Variants in SAMSN1 observed in about 807,000 individuals in gnomAD.
SAMSN1 encodes SAM domain, SH3 domain and nuclear localization signals 1.
SAMSN1 carries 31 observed loss-of-function variants against 42.0 expected under a neutral mutation model. That is an observed-to-expected ratio of 0.74 (90% CI 0.55 to 1.00). SAMSN1 has a LOEUF of 1.00. SAMSN1 is among the 50% of genes least tolerant of loss of function. SAMSN1 has a pLI of 0.00. For missense variants in SAMSN1, 464 were observed against 439.4 expected, an observed-to-expected ratio of 1.06 and a Z score of -0.50; for synonymous variants, 178 against 151.9, an observed-to-expected ratio of 1.17 and a Z score of -1.26.
At chr21:14,633,550 C>T in intron 2 of SAMSN1, among the ~76,000 whole-genome samples, 1 of 152,212 alleles carries the variant, frequency 6.6e-6, no homozygotes, top group Non-Finnish European at 1.5e-5. Context: ...AATGCTCTTA[C>T]TATTGTCTGA....
intron 2 of SAMSN1, among the ~76,000 whole-genome samples, chr21:14,622,832 G>A (rs1983050876): frequency 6.6e-6 from 1 of 152,196 alleles, no homozygotes; most frequent in Non-Finnish European, 1.5e-5. Context: ...ATTCACCAAA[G>A]TTGAAATGAA....
At chr21:14,598,408 A>C (rs1294347130) in intron 6 of SAMSN1, 4 of 152,222 alleles carry the variant, frequency 2.6e-5, no homozygotes, top group Admixed American at 2.6e-4. Flanking sequence ...ACAAACAAGA[A>C]CAAGAATGCA....
At chr21:14,579,665 G>A (rs3887416) in intron 2 of SAMSN1, among the ~76,000 whole-genome samples, 1 of 92,356 alleles carries the variant, frequency 1.1e-5, no homozygotes, top group African/African-American at 3.8e-5. Flanking sequence ...TTTTTTTTTT[G>A]GAGGCAGGGT....
intron 7 of SAMSN1, among the ~76,000 whole-genome samples, chr21:14,494,683 G>A (rs544465500): frequency 6.7e-6 from 1 of 149,800 alleles, no homozygotes; most frequent in African/African-American, 2.5e-5. Flanking sequence ...TTCTGCACGT[G>A]TATCCCAGAA....
upstream of SAMSN1, among the ~76,000 whole-genome samples, chr21:14,659,267 A>G (rs1229471821): frequency 2.6e-5 from 4 of 152,140 alleles, no homozygotes; most frequent in East Asian, 7.7e-4. Flanking sequence ...CACATTTTTA[A>G]ATGGCAAGAT....
chr21:14,653,467 T>C (rs1041031919), intron 1 of SAMSN1, among the ~76,000 whole-genome samples: 4 of 151,890 alleles, frequency 2.6e-5, no homozygotes, highest in African/African-American at 7.2e-5. Context: ...CTTGTGTACA[T>C]TGAGATTAGA....
upstream of SAMSN1, among the ~76,000 whole-genome samples, chr21:14,548,349 A>G (rs1600924116): frequency 6.6e-6 from 1 of 152,162 alleles, no homozygotes; most frequent in East Asian, 1.9e-4. Context: ...AAAAGGCATG[A>G]AGTTTCAGTT....
chr21:14,655,603 T>C (rs1298311097), intron 1 of SAMSN1, among the ~76,000 whole-genome samples: 1 of 151,686 alleles, frequency 6.6e-6, no homozygotes, highest in Non-Finnish European at 1.5e-5. Context: ...AATTTTAAAG[T>C]TTACCCACGT....
chr21:14,587,918 C>T (rs1306425840), upstream of SAMSN1, among the ~76,000 whole-genome samples: 3 of 114,234 alleles, frequency 2.6e-5, no homozygotes, highest in Non-Finnish European at 3.4e-5. Flanking sequence ...CGCAACAGTC[C>T]CCAGAGTGTG....
chr21:14,529,689 A>C (rs183723796), intron 1 of SAMSN1, among the ~76,000 whole-genome samples: 93 of 152,336 alleles, frequency 6.1e-4, no homozygotes, highest in African/African-American at 2.1e-3. Flanking sequence ...TGTTCAAATG[A>C]AAGATACACA....
In SAMSN1 at chr21:14,589,853, T is replaced by C. The variant is rs557957516; in HGVS notation, c.465+4160A>G. Among the ~76,000 whole-genome samples, 3 of 152,328 alleles carry C rather than the reference T, an allele frequency of 2.0e-5. No homozygotes were observed. The East Asian group carries it at 5.8e-4, about 29-fold the overall frequency. On this transcript the variant is annotated intron_variant, in intron 7 of 15. Transcript: ENST00000647101. ...TTTGGAAAAATTTTCCTCTCTAGTGTCATATTTAACAAATATTCAAATAAC... is the reference window on the plus strand; with the variant it reads ...TTTGGAAAAATTTTCCTCTCTAGTGCCATATTTAACAAATATTCAAATAAC...
chr21:14,617,232 C>A (rs912624331), intron 2 of SAMSN1, among the ~76,000 whole-genome samples: 1 of 152,104 alleles, frequency 6.6e-6, no homozygotes, highest in African/African-American at 2.4e-5. Context: ...TATCAGCAGG[C>A]CTTTGAGGAG....
chr21:14,485,902 G>T lies in SAMSN1; in HGVS notation c.*10C>A, dbSNP rs763253112. On this transcript the variant is annotated 3_prime_UTR_variant, in exon 8 of 8. Coordinates refer to ENST00000400566, the MANE Select transcript of SAMSN1 (RefSeq NM_022136.5). ...AATGCATCTGTAGATATATAGTTGG[G>T]AATGCGTGTTCAGTCACTTGGCTCT... 7 of 1,607,710 alleles carry T rather than the reference G, an allele frequency of 4.4e-6. No homozygotes were observed. The highest frequency in any genetic ancestry group is 6.0e-6 in the Non-Finnish European group (7 of 1,174,812).
chr21:14,534,666 C>A (rs1406241711), intron 1 of SAMSN1, among the ~76,000 whole-genome samples: 1 of 151,952 alleles, frequency 6.6e-6, no homozygotes, highest in Non-Finnish European at 1.5e-5. Context: ...CAGGTGCCCG[C>A]CACCAGAAGG....
At chr21:14,533,895 A>G (rs1240593534) in intron 1 of SAMSN1, among the ~76,000 whole-genome samples, 2 of 152,224 alleles carry the variant, frequency 1.3e-5, no homozygotes, top group Non-Finnish European at 2.9e-5. Context: ...TTAGGTACAC[A>G]TCTCACCTAA....
At position 14,552,065 on chromosome 21, in the gene SAMSN1, A is replaced by C. The variant is rs183350954; in HGVS notation, c.261+30071T>G. On this transcript the variant is annotated intron_variant, in intron 2 of 8. Transcript: ENST00000285670. The stretch of plus-strand genomic sequence containing the variant: ...GAGTTGGTTCAATCATTACATGTGT[A>C]AAAAAATTTGAAACCAGTAAATCTG... Among the ~76,000 whole-genome samples, 30 of 152,164 alleles carry C rather than the reference A, an allele frequency of 2.0e-4. No homozygotes were observed. The East Asian group carries it at 5.2e-3, about 26-fold the overall frequency.
At chr21:14,508,070 C>T (rs1052452261) in intron 5 of SAMSN1, among the ~76,000 whole-genome samples, 2 of 152,128 alleles carry the variant, frequency 1.3e-5, no homozygotes, top group African/African-American at 2.4e-5. Flanking sequence ...GATGGACTAA[C>T]GACTTAAATC....
At chr21:14,615,325 A>AC (rs1218000352) in intron 3 of SAMSN1, among the ~76,000 whole-genome samples, 1 of 151,552 alleles carries the variant, frequency 6.6e-6, no homozygotes, top group East Asian at 1.9e-4. Context: ...AAAAAGAAAA[A>AC]AAAAGGAAAG....
intron 2 of SAMSN1, among the ~76,000 whole-genome samples, chr21:14,553,889 A>G (rs1210623080): frequency 2.0e-5 from 3 of 151,950 alleles, no homozygotes; most frequent in Admixed American, 2.0e-4. Flanking sequence ...GTGTGTTGAT[A>G]TGGGTTATTT....
Sources: allele counts gnomAD v4.1 joint callset (sites outside exome capture counted in the v4.1 genomes callset), GRCh38; gene constraint gnomAD v4.1.1; transcripts MANE v1.5; gene names NCBI Gene and HGNC (gene_info 2026-07-23, HGNC 2026-07-21).